Variants in IER3IP1 observed in about 807,000 individuals in gnomAD.
IER3IP1 encodes immediate early response 3 interacting protein 1.
IER3IP1 carries 16 observed loss-of-function variants against 12.2 expected under a neutral mutation model. The ratio of observed to expected loss-of-function variants is 1.31; its 90% CI spans 0.89 to 1.99. The LOEUF (loss-of-function observed/expected upper bound fraction) is 1.99, where lower values mean the gene tolerates loss of function less well. Among genes scored for constraint, IER3IP1 ranks in the 30% most tolerant of loss-of-function variants. The probability of loss-of-function intolerance (pLI) is 0.00; values close to 1 mark genes in which losing one functional copy is unlikely to be tolerated. For missense variants in IER3IP1, 95 were observed against 95.8 expected, an observed-to-expected ratio of 0.99 and a Z score of 0.03; for synonymous variants, 42 against 40.0, an observed-to-expected ratio of 1.05 and a Z score of -0.19.
intron 1 of IER3IP1, among the ~76,000 whole-genome samples, chr18:47,162,293 C>T (rs1286737212): frequency 1.3e-5 from 2 of 152,136 alleles, no homozygotes; most frequent in Non-Finnish European, 2.9e-5. Flanking sequence ...CACTGAGACA[C>T]CAGTAAACAA....
At chr18:47,167,055 T>G (rs1303479519) in intron 1 of IER3IP1, among the ~76,000 whole-genome samples, 1 of 150,702 alleles carries the variant, frequency 6.6e-6, no homozygotes, top group Non-Finnish European at 1.5e-5. Context: ...TTGTAGCAGT[T>G]TTTTTTTTTT....
chr18:47,162,229 C>T (rs949154322), intron 1 of IER3IP1, among the ~76,000 whole-genome samples: 2 of 152,152 alleles, frequency 1.3e-5, no homozygotes, highest in Non-Finnish European at 2.9e-5. Context: ...CCTCCCAATA[C>T]TGACATTTGG....
intron 1 of IER3IP1, among the ~76,000 whole-genome samples, chr18:47,162,263 C>T (rs987018102): frequency 6.6e-6 from 1 of 152,160 alleles, no homozygotes; most frequent in Non-Finnish European, 1.5e-5. Context: ...ATGAAATAGC[C>T]AATTTCTTCA....
intron 1 of IER3IP1, among the ~76,000 whole-genome samples, chr18:47,165,444 A>G (rs1599998128): frequency 6.6e-6 from 1 of 151,606 alleles, no homozygotes; most frequent in Non-Finnish European, 1.5e-5. Context: ...TCTCAGCTAC[A>G]TGGGAGGCTG....
At chr18:47,174,345 G>A (rs544105090) in intron 1 of IER3IP1, among the ~76,000 whole-genome samples, 8 of 152,160 alleles carry the variant, frequency 5.3e-5, no homozygotes, top group Non-Finnish European at 1.2e-4. Flanking sequence ...GATCCTGTAC[G>A]TAAGTGCTAC....
At chr18:47,162,815 T>G (rs1370068559) in intron 1 of IER3IP1, among the ~76,000 whole-genome samples, 1 of 151,908 alleles carries the variant, frequency 6.6e-6, no homozygotes, top group African/African-American at 2.4e-5. Flanking sequence ...GTACAATGTC[T>G]TCAAAACTCT....
At chr18:47,157,051 CAA>C in intron 2 of IER3IP1, 1 of 202,228 alleles carries the variant, frequency 4.9e-6, no homozygotes, top group South Asian at 8.3e-5. Flanking sequence ...CTTGGCCTCT[CAA>C]AGTGTTGGGA....
intron 1 of IER3IP1, 124 bp downstream of exon 1, chr18:47,176,063 C>A (rs2064032163): frequency 8.4e-6 from 7 of 830,840 alleles, no homozygotes; most frequent in Non-Finnish European, 1.4e-5. Flanking sequence ...GGCTTCCACT[C>A]CAAGCCGAGC....
Position 47,172,533 on chromosome 18 carries a change from G to A in IER3IP1, c.91+3654C>T, listed in dbSNP as rs895864105. On this transcript the variant is annotated intron_variant, in intron 1 of 2. Transcript: ENST00000256433. This position sits in a 1 kb window ranked among gnomAD's most constrained non-coding sequence, Gnocchi z 4.0. ...CTGAAACAGAAGATAGTACCCAACC[G>A]TATATGTAGTGTATTTTTTTCAATC... 2.0e-5 allele frequency among the ~76,000 whole-genome samples: 3 copies of A among 152,042 alleles called. No homozygotes were observed. The highest frequency in any genetic ancestry group is 1.9e-4 in the East Asian group (1 of 5,194).
intron 1 of IER3IP1, among the ~76,000 whole-genome samples, chr18:47,168,250 A>C (rs192838641): frequency 6.7e-6 from 1 of 148,984 alleles, no homozygotes; most frequent in East Asian, 2.0e-4. Context: ...TGCAGTGAGC[A>C]GAGATCATGC....
At chr18:47,165,064 T>C (rs972618585) in intron 1 of IER3IP1, among the ~76,000 whole-genome samples, 4 of 152,230 alleles carry the variant, frequency 2.6e-5, no homozygotes, top group African/African-American at 9.6e-5. Flanking sequence ...AGTAACAGTT[T>C]TGAGAGCTTG....
chr18:47,175,221 G>A (rs73442813), intron 1 of IER3IP1, among the ~76,000 whole-genome samples: 30 of 152,298 alleles, frequency 2.0e-4, no homozygotes, highest in African/African-American at 7.0e-4. Flanking sequence ...GGTATAACTT[G>A]TGTTTTCATT....
rs200972102 is a variant in IER3IP1 at position 47,170,459 on chromosome 18, CA to C, written c.91+5727del. 7.8e-3 allele frequency among the ~76,000 whole-genome samples: 1,189 copies of C among 152,118 alleles called. 16 individuals are homozygous for C. Among genetic ancestry groups the C allele is most frequent in the Middle Eastern group, 0.058 (17 of 294 alleles). On this transcript the variant is annotated intron_variant, in intron 1 of 2. Coordinates refer to ENST00000256433, the MANE Select transcript of IER3IP1 (RefSeq NM_016097.5). Reference sequence around the variant, plus strand: ...AGCTAACTGGGATTTTGATAGACACCACATTAAACCTATAAATCAATATTAA... The same window carrying C: ...AGCTAACTGGGATTTTGATAGACACCCATTAAACCTATAAATCAATATTAA...
rs2064017234 is a variant in IER3IP1 at position 47,172,050 on chromosome 18, G to C, written c.91+4137C>G. On this transcript the variant is annotated intron_variant, in intron 1 of 2. Coordinates refer to ENST00000256433, the MANE Select transcript of IER3IP1 (RefSeq NM_016097.5). The surrounding 1 kb of genome is among the most constrained non-coding windows in gnomAD (Gnocchi z 4.0). ...GCCCACCTTGGCCTCCCAAAGTGCT[G>C]GGATTACAGGCATGAGCCACGGTGC... Among the ~76,000 whole-genome samples the C allele has an allele frequency of 6.6e-6, 1 of 152,122 alleles. No homozygotes were observed. The highest frequency in any genetic ancestry group is 1.5e-5 in the Non-Finnish European group (1 of 68,030).
chr18:47,173,762 G>T (rs1026015297), intron 1 of IER3IP1, among the ~76,000 whole-genome samples: 3 of 152,212 alleles, frequency 2.0e-5, no homozygotes, highest in African/African-American at 7.2e-5. Flanking sequence ...AAATCAAGGC[G>T]TAAGCAGGGT....
At chr18:47,158,354 T>C (rs1342498330) in intron 1 of IER3IP1, among the ~76,000 whole-genome samples, 1 of 151,848 alleles carries the variant, frequency 6.6e-6, no homozygotes, top group Non-Finnish European at 1.5e-5. Flanking sequence ...TGAGACAAGG[T>C]TTTACTCTGT....
Position 47,156,117 on chromosome 18 carries a change from C to CA in IER3IP1, c.*59_*60insT. On this transcript the variant is annotated 3_prime_UTR_variant, in exon 3 of 3. Transcript: ENST00000256433. ...TAAGATATAAATATTCCAATAATGA[C>CA]CAAAGTAATAACTTCTACTGGCATG... 1 of 1,037,682 alleles carries CA rather than the reference C, an allele frequency of 9.6e-7. No individual in the cohort carries two copies. The highest frequency in any genetic ancestry group is 1.7e-5 in the Admixed American group (1 of 57,732). 64.3% of individuals were successfully genotyped at this position (1,037,682 alleles called of 1,614,324 possible).
At chr18:47,157,635 A>G (rs1466054926) in intron 1 of IER3IP1, 98 bp from the exon 2 acceptor site, 1 of 1,006,086 alleles carries the variant, frequency 9.9e-7, no homozygotes, top group East Asian at 2.4e-5. Flanking sequence ...TGTTAAAGAC[A>G]AAGTAGAAAG....
intron 1 of IER3IP1, among the ~76,000 whole-genome samples, chr18:47,163,660 G>A (rs1480857117): frequency 2.0e-5 from 3 of 152,092 alleles, no homozygotes; most frequent in Non-Finnish European, 2.9e-5. Flanking sequence ...TAAGGAATGG[G>A]GCTCAGGTCG....
Sources: allele counts gnomAD v4.1 joint callset (sites outside exome capture counted in the v4.1 genomes callset), GRCh38; gene constraint gnomAD v4.1.1; non-coding constraint Gnocchi (gnomAD v3.1); transcripts MANE v1.5; gene names NCBI Gene and HGNC (gene_info 2026-07-23, HGNC 2026-07-21).